The following CDC42 variants were observed in gnomAD, a reference collection of about 807,000 sequenced individuals.
CDC42 encodes the protein cell division cycle 42.
A neutral mutation model predicts 20.8 loss-of-function variants in CDC42; 1 was observed. The observed-to-expected ratio is 0.05, with a 90% CI of 0.02 to 0.23. The LOEUF (loss-of-function observed/expected upper bound fraction) is 0.23, where lower values mean the gene tolerates loss of function less well. CDC42 is among the 10% of genes least tolerant of loss of function. CDC42 has a pLI of 1.00. For synonymous variants in CDC42, 72 were observed against 84.8 expected (o/e 0.85, Z 0.83); for missense variants, 49 against 227.9 (o/e 0.21, Z 5.05).
intron 1 of CDC42, among the ~76,000 whole-genome samples, chr1:22,073,540 A>T (rs1645515928): frequency 6.8e-6 from 1 of 148,132 alleles, no homozygotes. Context: ...CTCTGTCTCA[A>T]AAAAAAAAAA....
chr1:22,085,006 C>T (rs1483622920), intron 3 of CDC42, among the ~76,000 whole-genome samples: 1 of 151,920 alleles, frequency 6.6e-6, no homozygotes, highest in East Asian at 1.9e-4. Context: ...CTGAGGTGGG[C>T]AGATCACCTG....
chr1:22,060,435 C>T (rs1265215168), intron 1 of CDC42, among the ~76,000 whole-genome samples: 2 of 151,782 alleles, frequency 1.3e-5, no homozygotes, highest in Non-Finnish European at 1.5e-5. Flanking sequence ...ATGATTAAAC[C>T]AGAGGGAGAT....
intron 1 of CDC42, among the ~76,000 whole-genome samples, chr1:22,054,762 ATGTAATATTT>A (rs1167813767): frequency 6.6e-6 from 1 of 151,494 alleles, no homozygotes; most frequent in Non-Finnish European, 1.5e-5. Flanking sequence ...GTTAGCCTTG[ATGTAATATTT>A]TAGGCATATA....
chr1:22,053,764 C>G (rs1330758516), intron 1 of CDC42, among the ~76,000 whole-genome samples: 1 of 152,192 alleles, frequency 6.6e-6, no homozygotes, highest in Non-Finnish European at 1.5e-5. Flanking sequence ...GTCGTATTCA[C>G]AGATGATGTT....
In CDC42 at chr1:22,101,170, T is replaced by A. The variant is rs372726673; in HGVS notation, c.*9653T>A. 1 of 152,194 alleles carries A rather than the reference T, an allele frequency of 6.6e-6. No individual in the cohort carries two copies. Among genetic ancestry groups the A allele is most frequent in the Non-Finnish European group, 1.5e-5 (1 of 68,044 alleles). The allele number at this position is 152,194 out of a possible 1,614,324, so 9.4% of individuals were successfully genotyped here. On this transcript the variant is annotated 3_prime_UTR_variant, in exon 6 of 6. Transcript: ENST00000656825. ...GTGATAAATCAAGTCCTGTTTTTGC[T>A]CCTAACTTGCATTATGGTGTTTGAT...
rs1645761952 is a variant in CDC42, at chr1:22,096,886, G to T, written c.*5369G>T. Among the ~76,000 whole-genome samples, 1 of 152,242 alleles carries T rather than the reference G, an allele frequency of 6.6e-6. No individual in the cohort carries two copies. Among genetic ancestry groups the T allele is most frequent in the Non-Finnish European group, 1.5e-5 (1 of 68,036 alleles). On this transcript the variant is annotated 3_prime_UTR_variant, in exon 6 of 6. Transcript: ENST00000656825. The stretch of plus-strand genomic sequence containing the variant: ...ATCTATTTTGTGAGCAAATAGTACT[G>T]CCTTGGATGTGGTACCCTTGTGCAG...
intron 1 of CDC42, chr1:22,064,188 TTAAAAAAA>T (rs1272903340): frequency 5.3e-5 from 8 of 152,002 alleles, no homozygotes; most frequent in Non-Finnish European, 1.2e-4. Context: ...GTGTAGGGCA[TTAAAAAAA>T]CAAAAAAACA....
chr1:22,099,598 C>CCTTTT lies in CDC42; in HGVS notation c.*8081_*8082insCTTTT, dbSNP rs1645777049. ...ATAGTGCACAGGGCAAGCAAAGCAG[C>CCTTTT]ATAAAAGGCTTCATCTGTAAGGGTA... On this transcript the variant is annotated 3_prime_UTR_variant, in exon 6 of 6. Coordinates refer to ENST00000656825, the MANE Select transcript of CDC42 (RefSeq NM_001791.4). 1.3e-5 allele frequency among the ~76,000 whole-genome samples: 2 copies of CCTTTT among 152,122 alleles called. No individual in the cohort carries two copies. Among genetic ancestry groups the CCTTTT allele is most frequent in the African/African-American group, 4.8e-5 (2 of 41,410 alleles).
At chr1:22,059,211 C>CG (rs896760995) in intron 1 of CDC42, 2 of 151,356 alleles carry the variant, frequency 1.3e-5, no homozygotes, top group Non-Finnish European at 2.9e-5. Flanking sequence ...CCGCAACCTC[C>CG]GCCTCCCAGG....
chr1:22,085,439 G>A (rs1645652689), intron 3 of CDC42, among the ~76,000 whole-genome samples: 1 of 152,004 alleles, frequency 6.6e-6, no homozygotes, highest in African/African-American at 2.4e-5. Context: ...ATTGTCCCTT[G>A]TTTCAAGATT....
At chr1:22,078,394 G>A in intron 1 of CDC42, 35 bp from the exon 2 acceptor site, 1 of 1,032,188 alleles carries the variant, frequency 9.7e-7, no homozygotes, top group South Asian at 1.5e-5. Context: ...CCATATGTAA[G>A]TATAAATAAA....
intron 1 of CDC42, among the ~76,000 whole-genome samples, chr1:22,066,081 A>G (rs942120953): frequency 4.6e-5 from 7 of 152,208 alleles, no homozygotes. Context: ...ACTTTAGTCA[A>G]CAAAGTTGTA....
chr1:22,095,049 A>G lies in CDC42; in HGVS notation c.*3532A>G, dbSNP rs1170941297. On this transcript the variant is annotated 3_prime_UTR_variant, in exon 6 of 6. Coordinates refer to ENST00000656825, the MANE Select transcript of CDC42 (RefSeq NM_001791.4). ...GGGTACAAATTTAGAAATTTGTTAT[A>G]TAACTGTGGGGCAAGGGACAACATT... 6.6e-6 allele frequency among the ~76,000 whole-genome samples: 1 copy of G among 152,202 alleles called. No individual in the cohort carries two copies. The highest frequency in any genetic ancestry group is 1.5e-5 in the Non-Finnish European group (1 of 68,046).
intron 1 of CDC42, among the ~76,000 whole-genome samples, chr1:22,073,507 C>G (rs1010804404): frequency 6.6e-6 from 1 of 151,296 alleles, no homozygotes; most frequent in Non-Finnish European, 1.5e-5. Context: ...CCATTGCACT[C>G]CAGCCTGGGT....
chr1:22,084,335 GTTTTTTTT>G (rs61584354), intron 3 of CDC42, among the ~76,000 whole-genome samples: 8,252 of 81,096 alleles, frequency 0.1, 284 homozygotes, highest in South Asian at 0.21. Context: ...CTTATTTCCT[GTTTTTTTT>G]TTTTTTTTTT....
chr1:22,094,789 T>C lies in CDC42; in HGVS notation c.*3272T>C, dbSNP rs996163456. On this transcript the variant is annotated 3_prime_UTR_variant, in exon 6 of 6. Coordinates refer to ENST00000656825, the MANE Select transcript of CDC42 (RefSeq NM_001791.4). The stretch of plus-strand genomic sequence containing the variant: ...CCTGTTAACATTGGTGTACATTTAA[T>C]GTAGTAGTACTTTTTCTCCTTTTGC... 6.6e-6 allele frequency among the ~76,000 whole-genome samples: 1 copy of C among 152,218 alleles called. No individual in the cohort carries two copies. Among genetic ancestry groups the C allele is most frequent in the Non-Finnish European group, 1.5e-5 (1 of 68,042 alleles).
chr1:22,055,483 A>T (rs77644487), intron 1 of CDC42, among the ~76,000 whole-genome samples: 1,661 of 148,406 alleles, frequency 0.011, 30 homozygotes, highest in African/African-American at 0.039. Context: ...TAAAAAAAAA[A>T]TTGGTGATTT....
Position 22,092,254 on chromosome 1 carries a change from A to G in CDC42, c.*737A>G, listed in dbSNP as rs958062378. 3 of 152,562 alleles carry G rather than the reference A, an allele frequency of 2.0e-5. No homozygotes were observed. The highest frequency in any genetic ancestry group is 4.8e-5 in the African/African-American group (2 of 41,430). The allele number at this position is 152,562 out of a possible 1,614,324, so 9.5% of individuals were successfully genotyped here. On this transcript the variant is annotated 3_prime_UTR_variant, in exon 6 of 6. Transcript: ENST00000656825. ...CCCCTCCTCTTTTCTAGGACGCACT[A>G]TATGTGACTGTGACTTTCAAGGACA...
chr1:22,055,423 T>G lies in CDC42; in HGVS notation c.-51+2681T>G, dbSNP rs571129144. ...CAATACCTGTCCGTATTAAACTTAATTTTTTGGGAATCTAAGGCAGATGTT... is the reference window on the plus strand; with the variant it reads ...CAATACCTGTCCGTATTAAACTTAAGTTTTTGGGAATCTAAGGCAGATGTT... On this transcript the variant is annotated intron_variant, in intron 1 of 5. Coordinates refer to ENST00000656825, the MANE Select transcript of CDC42 (RefSeq NM_001791.4). Among the ~76,000 whole-genome samples the G allele has an allele frequency of 4.6e-5, 7 of 152,046 alleles. No individual in the cohort carries two copies. In the South Asian group the frequency reaches 1.2e-3, roughly 27 times the overall value.
Sources: allele counts gnomAD v4.1 joint callset (sites outside exome capture counted in the v4.1 genomes callset), GRCh38; gene constraint gnomAD v4.1.1; transcripts MANE v1.5; gene names NCBI Gene and HGNC (gene_info 2026-07-23, HGNC 2026-07-21).